The following ANKRD27 variants were observed in gnomAD, a reference collection of about 807,000 sequenced individuals.
ANKRD27 encodes the protein ankyrin repeat domain 27.
ANKRD27 carries 112 observed loss-of-function variants against 129.7 expected under a neutral mutation model. The ratio of observed to expected loss-of-function variants is 0.86; its 90% CI spans 0.74 to 1.01. The LOEUF is 1.01. ANKRD27 is among the 50% of genes least tolerant of loss of function. ANKRD27 has a pLI of 0.00. For missense variants in ANKRD27, 1,258 were observed against 1,300.5 expected (o/e 0.97, Z 0.50); for synonymous variants, 516 against 511.2 (o/e 1.01, Z -0.13).
intron 27 of ANKRD27, 37 bp from the exon 28 acceptor site, chr19:32,599,813 C>A: frequency 6.2e-7 from 1 of 1,605,436 alleles, no homozygotes; most frequent in Non-Finnish European, 8.5e-7. Context: ...ATATTTGGGA[C>A]AGTGGCATGA....
In ANKRD27 at chr19:32,627,671, T is replaced by C. The variant is rs565297490; in HGVS notation, c.1420+412A>G. Among the ~76,000 whole-genome samples the C allele has an allele frequency of 4.0e-4, 61 of 152,302 alleles. 2 individuals are homozygous for C. In the South Asian group the frequency reaches 0.012, roughly 30 times the overall value. Reference sequence around the variant, plus strand: ...CCTCGGCCTCCCAAAGTGCTGGGATTACAGGCATGAGCCACCATGCCCAGC... The same window carrying C: ...CCTCGGCCTCCCAAAGTGCTGGGATCACAGGCATGAGCCACCATGCCCAGC... On this transcript the variant is annotated intron_variant, in intron 15 of 28. Coordinates refer to ENST00000306065, the MANE Select transcript of ANKRD27 (RefSeq NM_032139.3).
At chr19:32,633,424 C>G (rs991019731) in intron 12 of ANKRD27, among the ~76,000 whole-genome samples, 5 of 148,416 alleles carry the variant, frequency 3.4e-5, no homozygotes, top group African/African-American at 1.2e-4. Context: ...CCTTGAACTA[C>G]CAGGTTCAAG....
intron 11 of ANKRD27, 122 bp from the exon 12 acceptor site, chr19:32,639,610 G>T: frequency 2.0e-6 from 2 of 988,850 alleles, no homozygotes; most frequent in South Asian, 1.5e-5. Context: ...AGGAAGCTAC[G>T]ACCACCATCC....
chr19:32,623,011 C>CA (rs1972037678), intron 17 of ANKRD27, among the ~76,000 whole-genome samples: 1 of 150,202 alleles, frequency 6.7e-6, no homozygotes. Flanking sequence ...AGGCAGGACT[C>CA]AAACTCCTGG....
At chr19:32,650,377 C>T (rs1599765957) in intron 2 of ANKRD27, among the ~76,000 whole-genome samples, 1 of 152,242 alleles carries the variant, frequency 6.6e-6, no homozygotes, top group Non-Finnish European at 1.5e-5. Context: ...CATGGCAAAA[C>T]CCTGGCTCTA....
chr19:32,671,317 T>A (rs1439864357), intron 1 of ANKRD27, among the ~76,000 whole-genome samples: 6 of 151,770 alleles, frequency 4.0e-5, no homozygotes, highest in African/African-American at 1.5e-4. Context: ...TCTCATATGA[T>A]CTGGTGCTTA....
intron 12 of ANKRD27, among the ~76,000 whole-genome samples, chr19:32,635,429 T>C (rs1239635922): frequency 6.6e-6 from 1 of 152,168 alleles, no homozygotes; most frequent in Admixed American, 6.5e-5. Flanking sequence ...CACACACGCA[T>C]AGGTAGAGAC....
At chr19:32,635,482 ATT>A (rs1967072345) in intron 12 of ANKRD27, among the ~76,000 whole-genome samples, 1 of 152,072 alleles carries the variant, frequency 6.6e-6, no homozygotes, top group Non-Finnish European at 1.5e-5. Context: ...TTATTTATTT[ATT>A]TGTAGAGACA....
At chr19:32,645,777 C>T (rs1967291364) in intron 4 of ANKRD27, among the ~76,000 whole-genome samples, 1 of 151,330 alleles carries the variant, frequency 6.6e-6, no homozygotes, top group East Asian at 2.0e-4. Context: ...GGATTACAGG[C>T]ACGCACCACT....
chr19:32,640,469 T>C lies in ANKRD27; in HGVS notation c.905-84A>G, dbSNP rs1032775067. ...TATCAACTCCCTACCACCGCACACCTTGTGAAACCACGTATCAGGGAGATC... is the reference window on the plus strand; with the variant it reads ...TATCAACTCCCTACCACCGCACACCCTGTGAAACCACGTATCAGGGAGATC... On this transcript the variant is annotated intron_variant, in intron 10 of 28. Transcript: ENST00000306065. The C allele has an allele frequency of 1.1e-5, 12 of 1,120,840 alleles. No individual in the cohort carries two copies. In the African/African-American group the frequency reaches 1.5e-4, roughly 14 times the overall value. 69.4% of individuals were successfully genotyped at this position (1,120,840 alleles called of 1,614,324 possible).
intron 22 of ANKRD27, among the ~76,000 whole-genome samples, chr19:32,609,630 C>CG (rs1971803461): frequency 7.2e-6 from 1 of 138,060 alleles, no homozygotes; most frequent in South Asian, 2.2e-4. Context: ...AAGCAGGTCA[C>CG]GGGTTGCCTG....
At chr19:32,642,522 G>C (rs947422460) in intron 9 of ANKRD27, among the ~76,000 whole-genome samples, 3 of 152,154 alleles carry the variant, frequency 2.0e-5, no homozygotes, top group African/African-American at 7.2e-5. Context: ...CAGATCACTT[G>C]AGGTCAGGAG....
rs1371099567 is a variant in ANKRD27, at chr19:32,607,762, T to G, written c.2246A>C (p.His749Pro). 6.2e-7 allele frequency: 1 copy of G among 1,612,826 alleles called. No homozygotes were observed. The highest frequency in any genetic ancestry group is 8.5e-7 in the Non-Finnish European group (1 of 1,179,658). Reference protein sequence around the residue: ...VTSQDGSSPLHVAALHGRADL... With the variant: ...VTSQDGSSPLPVAALHGRADL... ...CGCCCGGCCGTGCAGGGCGGCGACA[T>G]GCAGCGGGGAGGAGCCGTCCTGGCT... Residue 749 changes from histidine to proline, a missense_variant, in exon 23 of 29, where the codon CAT becomes CCT. Coordinates refer to ENST00000306065, the MANE Select transcript of ANKRD27 (RefSeq NM_032139.3).
At chr19:32,599,837 G>A in intron 27 of ANKRD27, 61 bp from the exon 28 acceptor site, 1 of 1,577,944 alleles carries the variant, frequency 6.3e-7, no homozygotes, top group Non-Finnish European at 8.7e-7. Context: ...ACTCTGGTTG[G>A]CCACAAGGTG....
At chr19:32,607,524 G>A (rs1599734870) in intron 23 of ANKRD27, 111 bp downstream of exon 23, 12 of 1,294,466 alleles carry the variant, frequency 9.3e-6, no homozygotes, top group East Asian at 2.5e-5. Flanking sequence ...GGGCTCGGGG[G>A]AGCAGTGTCC....
chr19:32,646,364 C>A, intron 4 of ANKRD27, 95 bp downstream of exon 4: 4 of 1,312,382 alleles, frequency 3.0e-6, no homozygotes, highest in Non-Finnish European at 3.1e-6. Flanking sequence ...CCACCATACC[C>A]GGCCTTGTTT....
chr19:32,651,602 C>T (rs575142177), intron 2 of ANKRD27, among the ~76,000 whole-genome samples: 7 of 152,116 alleles, frequency 4.6e-5, no homozygotes, highest in Non-Finnish European at 1.0e-4. Context: ...GATCTCCTGA[C>T]CTTGTGATCT....
chr19:32,648,411 G>C (rs1158397337), intron 3 of ANKRD27, among the ~76,000 whole-genome samples: 1 of 152,262 alleles, frequency 6.6e-6, no homozygotes, highest in African/African-American at 2.4e-5. Flanking sequence ...ATCTGAGTGT[G>C]ATCATTGCGT....
At chr19:32,616,410 G>A (rs1457012235) in intron 21 of ANKRD27, among the ~76,000 whole-genome samples, 1 of 152,034 alleles carries the variant, frequency 6.6e-6, no homozygotes, top group African/African-American at 2.4e-5. Context: ...AAAATTAGCT[G>A]GGTGTGGTGG....
Sources: allele counts gnomAD v4.1 joint callset (sites outside exome capture counted in the v4.1 genomes callset), GRCh38; gene constraint gnomAD v4.1.1; transcripts MANE v1.5; gene names NCBI Gene and HGNC (gene_info 2026-07-23, HGNC 2026-07-21).